The following TMEM163 variants were observed in gnomAD, a reference collection of about 807,000 sequenced individuals.
TMEM163 encodes transmembrane protein 163.
In TMEM163, 17 loss-of-function variants were observed where a neutral mutation model predicts 29.3. The ratio of observed to expected loss-of-function variants is 0.58; its 90% CI spans 0.40 to 0.87. The LOEUF (loss-of-function observed/expected upper bound fraction) is 0.87, where lower values mean the gene tolerates loss of function less well. Ranked by LOEUF, TMEM163 falls within the 40% of genes least tolerant of loss-of-function variation. The pLI is 0.00. For missense variants in TMEM163, 303 were observed against 381.5 expected (o/e 0.79, Z 1.71); for synonymous variants, 157 against 160.6 (o/e 0.98, Z 0.17).
chr2:134,503,605 A>C (rs1679749984), intron 4 of TMEM163, among the ~76,000 whole-genome samples: 2 of 152,334 alleles, frequency 1.3e-5, no homozygotes, highest in South Asian at 4.1e-4. Flanking sequence ...TTTCCCAATG[A>C]TGAAAAGGAG....
chr2:134,496,842 C>T (rs1237259032), intron 5 of TMEM163, among the ~76,000 whole-genome samples: 3 of 152,112 alleles, frequency 2.0e-5, no homozygotes, highest in Admixed American at 2.0e-4. Context: ...TCTCCCTATT[C>T]CTTCCCTCCT....
chr2:134,647,444 G>A (rs1248692531), intron 2 of TMEM163, among the ~76,000 whole-genome samples: 3 of 152,282 alleles, frequency 2.0e-5, no homozygotes, highest in Middle Eastern at 3.4e-3. Context: ...ATCACTGACA[G>A]AGGATCTTCT....
chr2:134,691,747 A>G (rs189043082), intron 2 of TMEM163, among the ~76,000 whole-genome samples: 2 of 152,204 alleles, frequency 1.3e-5, no homozygotes, highest in East Asian at 3.9e-4. Flanking sequence ...TCACAAAGTG[A>G]CATCCTAAAC....
At chr2:134,601,108 TAAA>T in intron 2 of TMEM163, among the ~76,000 whole-genome samples, 1 of 152,132 alleles carries the variant, frequency 6.6e-6, no homozygotes, top group Non-Finnish European at 1.5e-5. Flanking sequence ...AGTTAACTAT[TAAA>T]AATTATATTT....
intron 2 of TMEM163, among the ~76,000 whole-genome samples, chr2:134,656,521 G>A (rs559197295): frequency 3.3e-5 from 5 of 152,306 alleles, no homozygotes; most frequent in Admixed American, 2.0e-4. Flanking sequence ...CGTCGCTCAC[G>A]CTGGGAGCTG....
intron 1 of TMEM163, 107 bp downstream of exon 1, chr2:134,718,627 C>T: frequency 1.2e-6 from 1 of 868,618 alleles, no homozygotes. Flanking sequence ...TCCGCGCCCC[C>T]GCGCGCTCCG....
At position 134,660,537 on chromosome 2, in the gene TMEM163, A is replaced by G. The variant is rs1265716789; in HGVS notation, c.322+52663T>C. 2.0e-5 allele frequency among the ~76,000 whole-genome samples: 3 copies of G among 152,302 alleles called. 1 individual carries two copies. The highest frequency in any genetic ancestry group is 2.0e-4 in the Admixed American group (3 of 15,308). On this transcript the variant is annotated intron_variant, in intron 2 of 7. Transcript: ENST00000281924. ...TTGAAAGGAAACTTTTTTTGAACAAAAACAATTCCTTTCCTTATCCAAAAA... is the reference window on the plus strand; with the variant it reads ...TTGAAAGGAAACTTTTTTTGAACAAGAACAATTCCTTTCCTTATCCAAAAA...
intron 5 of TMEM163, among the ~76,000 whole-genome samples, chr2:134,473,830 C>T (rs980320366): frequency 1.3e-5 from 2 of 152,132 alleles, no homozygotes; most frequent in Non-Finnish European, 2.9e-5. Context: ...AGTAGATAAC[C>T]TGAAGAACCC....
chr2:134,506,600 T>C (rs562282698), intron 4 of TMEM163, among the ~76,000 whole-genome samples: 15 of 152,122 alleles, frequency 9.9e-5, no homozygotes, highest in African/African-American at 3.1e-4. Flanking sequence ...CACCCAGAAA[T>C]AGAATCCCAT....
In TMEM163 at chr2:134,537,059, C is replaced by G. The variant is rs562713238; in HGVS notation, c.458+13511G>C. Among the ~76,000 whole-genome samples the G allele has an allele frequency of 2.0e-5, 3 of 152,156 alleles. No homozygotes were observed. The East Asian group carries it at 5.8e-4, about 29-fold the overall frequency. On this transcript the variant is annotated intron_variant, in intron 4 of 7. Transcript: ENST00000281924. ...AAATATGTTGCCCACAGGGAAAGAA[C>G]CTTGGCCACTGTTCTGGTCTCAAAG...
chr2:134,592,300 A>C (rs963746798), intron 2 of TMEM163, among the ~76,000 whole-genome samples: 16 of 152,170 alleles, frequency 1.1e-4, no homozygotes, highest in African/African-American at 3.6e-4. Flanking sequence ...CTTTTAGTGA[A>C]TCTCTCCTAG....
At chr2:134,515,553 C>T (rs1382464293) in intron 4 of TMEM163, among the ~76,000 whole-genome samples, 1 of 152,104 alleles carries the variant, frequency 6.6e-6, no homozygotes, top group Non-Finnish European at 1.5e-5. Context: ...GAAGAAAAGG[C>T]TTTTTGCAGA....
At chr2:134,604,971 G>C (rs1031970662) in intron 2 of TMEM163, among the ~76,000 whole-genome samples, 1 of 152,108 alleles carries the variant, frequency 6.6e-6, no homozygotes, top group African/African-American at 2.4e-5. Context: ...CCAGAGGTCG[G>C]GATTTCGAGA....
chr2:134,485,619 C>T (rs1233947154), intron 5 of TMEM163, among the ~76,000 whole-genome samples: 1 of 152,146 alleles, frequency 6.6e-6, no homozygotes, highest in Admixed American at 6.5e-5. Flanking sequence ...TTCTTAGGGC[C>T]TTCAACTGAC....
At chr2:134,520,366 C>T (rs1181749550) in intron 4 of TMEM163, among the ~76,000 whole-genome samples, 2 of 152,178 alleles carry the variant, frequency 1.3e-5, no homozygotes, top group Non-Finnish European at 2.9e-5. Context: ...TGAGAAAAGG[C>T]AGTAGAGTAC....
chr2:134,484,640 T>C (rs750167201), intron 5 of TMEM163, among the ~76,000 whole-genome samples: 2 of 152,158 alleles, frequency 1.3e-5, no homozygotes, highest in East Asian at 3.8e-4. Flanking sequence ...CAAAACCTAA[T>C]GCAAGAAAGG....
At chr2:134,597,905 G>A (rs1470214204) in intron 2 of TMEM163, among the ~76,000 whole-genome samples, 1 of 152,180 alleles carries the variant, frequency 6.6e-6, no homozygotes, top group Non-Finnish European at 1.5e-5. Context: ...TTTGCGTTGA[G>A]GTATTTATAG....
chr2:134,497,186 G>A (rs1409552586), intron 5 of TMEM163, among the ~76,000 whole-genome samples: 1 of 152,132 alleles, frequency 6.6e-6, no homozygotes, highest in African/African-American at 2.4e-5. Flanking sequence ...TGTGCTCCTT[G>A]GTAGCAAAAG....
intron 2 of TMEM163, among the ~76,000 whole-genome samples, chr2:134,613,199 A>G (rs958610954): frequency 6.6e-5 from 10 of 152,198 alleles, no homozygotes; most frequent in Non-Finnish European, 1.3e-4. Flanking sequence ...AGACTGGTCA[A>G]TTGAGATATT....
Sources: gnomAD v4.1 joint callset for allele counts (sites outside exome capture counted in the v4.1 genomes callset) on GRCh38, gnomAD v4.1.1 for gene constraint, MANE v1.5 for transcripts, NCBI Gene and HGNC (gene_info 2026-07-23, HGNC 2026-07-21) for gene names.